The following DPYSL2 variants were observed in gnomAD, a reference collection of about 807,000 sequenced individuals.
DPYSL2 encodes dihydropyrimidinase-related protein 2.
DPYSL2 carries 13 observed loss-of-function variants against 69.9 expected under a neutral mutation model. The observed-to-expected ratio is 0.19, with a 90% CI of 0.12 to 0.30. The LOEUF is 0.30. DPYSL2 is among the 10% of genes least tolerant of loss of function. The pLI, the probability that DPYSL2 is intolerant of heterozygous loss-of-function variation, is 1.00. For missense variants in DPYSL2, 587 were observed against 918.9 expected, an observed-to-expected ratio of 0.64 and a Z score of 4.67; for synonymous variants, 326 against 359.1, an observed-to-expected ratio of 0.91 and a Z score of 1.04.
chr8:26,541,810 A>T (rs1185430972), intron 1 of DPYSL2, among the ~76,000 whole-genome samples: 1 of 152,256 alleles, frequency 6.6e-6, no homozygotes, highest in African/African-American at 2.4e-5. Flanking sequence ...CAGATACACA[A>T]GAGATGAAAA....
rs984454474 is a variant in DPYSL2, at chr8:26,642,047, G to C, written c.1127-1392G>C. On this transcript the variant is annotated intron_variant, in intron 8 of 13. Coordinates refer to ENST00000521913, the MANE Select transcript of DPYSL2 (RefSeq NM_001197293.3). This position sits in a 1 kb window ranked among gnomAD's most constrained non-coding sequence, Gnocchi z 5.3. ...GGAAGTAGAGAAGCTTGGCTGCATT[G>C]TTGTGGGGTGGGAGTTAGCCCTGTG... is the stretch of plus-strand genomic sequence containing the variant. 2.6e-5 allele frequency among the ~76,000 whole-genome samples: 4 copies of C among 152,244 alleles called. No homozygotes were observed. The highest frequency in any genetic ancestry group is 7.2e-5 in the African/African-American group (3 of 41,462).
At position 26,627,757 on chromosome 8, in the gene DPYSL2, G is replaced by T; in HGVS notation, c.937-115G>T. 1 of 1,028,552 alleles carries T rather than the reference G, an allele frequency of 9.7e-7. No individual in the cohort carries two copies. Among genetic ancestry groups the T allele is most frequent in the Non-Finnish European group, 1.5e-6 (1 of 687,622 alleles). 63.7% of individuals were successfully genotyped at this position (1,028,552 alleles called of 1,614,324 possible). Reference sequence around the variant, plus strand: ...TGAGGTCTTGGGATGAGGGCAGAACGATCGGCAGTGGTAATTTTCCATCTT... The same window carrying T: ...TGAGGTCTTGGGATGAGGGCAGAACTATCGGCAGTGGTAATTTTCCATCTT... On this transcript the variant is annotated intron_variant, in intron 6 of 13. Coordinates refer to ENST00000521913, the MANE Select transcript of DPYSL2 (RefSeq NM_001197293.3). The surrounding 1 kb of genome is among the most constrained non-coding windows in gnomAD (Gnocchi z 6.9).
chr8:26,574,150 G>T (rs1801287700), intron 1 of DPYSL2, among the ~76,000 whole-genome samples: 1 of 152,148 alleles, frequency 6.6e-6, no homozygotes, highest in African/African-American at 2.4e-5. Context: ...AGGCTGTGGG[G>T]GTAGGATGGG....
At chr8:26,530,052 C>A (rs1348791449) in intron 1 of DPYSL2, among the ~76,000 whole-genome samples, 1 of 130,056 alleles carries the variant, frequency 7.7e-6, no homozygotes, top group Non-Finnish European at 1.5e-5. Context: ...GTGGAGGTTG[C>A]AGTGAGCCGA....
In DPYSL2 at chr8:26,514,237, G is replaced by C. The variant is rs1808231707; in HGVS notation, c.-89G>C. On this transcript the variant is annotated 5_prime_UTR_variant, in exon 1 of 14. Coordinates refer to ENST00000521913, the MANE Select transcript of DPYSL2 (RefSeq NM_001197293.3). This position sits in a 1 kb window ranked among gnomAD's most constrained non-coding sequence, Gnocchi z 8.4. ...GCGGCGAACGGCAGCCGCGGCAGCA[G>C]CTAGGGGGCTTGTGCACACAGCGAG... is the stretch of plus-strand genomic sequence containing the variant. 8.4e-7 allele frequency: 1 copy of C among 1,193,554 alleles called. No individual in the cohort carries two copies. The allele number at this position is 1,193,554 out of a possible 1,614,324, so 73.9% of individuals were successfully genotyped here. A position where few individuals can be genotyped will look rare whatever the true frequency, so the allele number is the denominator to read the frequency against.
chr8:26,657,972 A>C lies in DPYSL2; in HGVS notation c.*2266A>C, dbSNP rs1351701479. On this transcript the variant is annotated 3_prime_UTR_variant, in exon 14 of 14. Coordinates refer to ENST00000521913, the MANE Select transcript of DPYSL2 (RefSeq NM_001197293.3). ...GAATAGATGGTTTTTAATCCTGGAA[A>C]TTGTGATTGTGACCCATGAGTGGAG... The C allele has an allele frequency of 6.6e-6, 1 of 152,628 alleles. No individual in the cohort carries two copies. The highest frequency in any genetic ancestry group is 1.5e-5 in the Non-Finnish European group (1 of 68,036). 9.5% of individuals were successfully genotyped at this position (152,628 alleles called of 1,614,324 possible). A position where few individuals can be genotyped will look rare whatever the true frequency, so the allele number is the denominator to read the frequency against.
At position 26,562,876 on chromosome 8, in the gene DPYSL2, C is replaced by A. The variant is rs1801095659; in HGVS notation, c.355-19093C>A. On this transcript the variant is annotated intron_variant, in intron 1 of 13. Coordinates refer to ENST00000521913, the MANE Select transcript of DPYSL2 (RefSeq NM_001197293.3). The surrounding 1 kb of genome is among the most constrained non-coding windows in gnomAD (Gnocchi z 4.9). ...GGGTGGAGTCCTCCAGAATCTTTCT[C>A]ACTCATACGTCTGTCACCTTGGCAC... 6.6e-6 allele frequency among the ~76,000 whole-genome samples: 1 copy of A among 152,166 alleles called. No individual in the cohort carries two copies. The highest frequency in any genetic ancestry group is 1.5e-5 in the Non-Finnish European group (1 of 68,030).
At chr8:26,655,516 A>T in intron 13 of DPYSL2, 99 bp from the exon 14 acceptor site, 1 of 1,074,504 alleles carries the variant, frequency 9.3e-7, no homozygotes, top group Non-Finnish European at 1.3e-6. Flanking sequence ...GAATGCGACT[A>T]GCACTTTTCC....
In DPYSL2 at chr8:26,652,218, G is replaced by C; in HGVS notation, c.1597-39G>C. Reference sequence around the variant, plus strand: ...CTGCCGGGTGGATTGAGTCCAGCCAGAGTGGCCTGTTCTAGAGTTTACTTT... The same window carrying C: ...CTGCCGGGTGGATTGAGTCCAGCCACAGTGGCCTGTTCTAGAGTTTACTTT... On this transcript the variant is annotated intron_variant, in intron 11 of 13. Coordinates refer to ENST00000521913, the MANE Select transcript of DPYSL2 (RefSeq NM_001197293.3). The surrounding 1 kb of genome is among the most constrained non-coding windows in gnomAD (Gnocchi z 6.3). 1 of 1,573,822 alleles carries C rather than the reference G, an allele frequency of 6.4e-7. No individual in the cohort carries two copies. The highest frequency in any genetic ancestry group is 1.3e-5 in the African/African-American group (1 of 74,084).
intron 3 of DPYSL2, chr8:26,623,753 C>A (rs747538463): frequency 1.7e-5 from 3 of 178,694 alleles, no homozygotes; most frequent in Admixed American, 5.8e-5. Flanking sequence ...AAGTTCCCTG[C>A]CGTCTGGCGG....
chr8:26,561,406 C>T, intron 1 of DPYSL2, among the ~76,000 whole-genome samples: 1 of 152,264 alleles, frequency 6.6e-6, no homozygotes, highest in Admixed American at 6.5e-5. Flanking sequence ...AGTGGATGTT[C>T]CTAAATTCAC....
chr8:26,537,611 T>TCCACACACAC (rs141281802), intron 1 of DPYSL2, among the ~76,000 whole-genome samples: 4 of 147,654 alleles, frequency 2.7e-5, no homozygotes, highest in African/African-American at 9.9e-5. Flanking sequence ...ATTCTCTCTC[T>TCCACACACAC]ACACACACAC....
At chr8:26,530,187 T>C (rs557522133) in intron 1 of DPYSL2, among the ~76,000 whole-genome samples, 33 of 148,108 alleles carry the variant, frequency 2.2e-4, no homozygotes, top group African/African-American at 8.0e-4. Flanking sequence ...ACAACTATCA[T>C]CTACAACTCT....
At chr8:26,608,555 G>T (rs1047914700) in intron 3 of DPYSL2, among the ~76,000 whole-genome samples, 11 of 152,318 alleles carry the variant, frequency 7.2e-5, no homozygotes, top group Non-Finnish European at 1.3e-4. Flanking sequence ...GGCTGAGTTT[G>T]TGTGGACCCT....
At chr8:26,561,995 A>G (rs1801078776) in intron 1 of DPYSL2, among the ~76,000 whole-genome samples, 1 of 152,182 alleles carries the variant, frequency 6.6e-6, no homozygotes, top group Non-Finnish European at 1.5e-5. Context: ...CCAAATCTAG[A>G]GTTCACACTT....
chr8:26,626,508 C>G lies in DPYSL2; in HGVS notation c.794-109C>G. The G allele has an allele frequency of 1.2e-6, 1 of 855,522 alleles. No homozygotes were observed. Among genetic ancestry groups the G allele is most frequent in the Admixed American group, 2.0e-5 (1 of 49,324 alleles). The allele number at this position is 855,522 out of a possible 1,614,324, so 53.0% of individuals were successfully genotyped here. On this transcript the variant is annotated intron_variant, in intron 4 of 13. Transcript: ENST00000521913. This position sits in a 1 kb window ranked among gnomAD's most constrained non-coding sequence, Gnocchi z 4.3. ...ACACACACACACACACACACACACA[C>G]ACACACACACACACGTACACACACA...
intron 1 of DPYSL2, among the ~76,000 whole-genome samples, chr8:26,528,338 T>A (rs927907696): frequency 6.6e-6 from 1 of 152,008 alleles, no homozygotes; most frequent in Non-Finnish European, 1.5e-5. Context: ...CACACAGATA[T>A]GTAAATGACT....
In DPYSL2 at chr8:26,652,769, T is replaced by C. The variant is rs1222517410; in HGVS notation, c.1776+333T>C. Among the ~76,000 whole-genome samples, 1 of 152,108 alleles carries C rather than the reference T, an allele frequency of 6.6e-6. No homozygotes were observed. Among genetic ancestry groups the C allele is most frequent in the Admixed American group, 6.5e-5 (1 of 15,278 alleles). ...GGGCTTTGAAGGTTAAGTAGGAGTT[T>C]GTCAAGTCAAAGAAGGGAGATGAGG... On this transcript the variant is annotated intron_variant, in intron 12 of 13. Transcript: ENST00000521913. The surrounding 1 kb of genome is among the most constrained non-coding windows in gnomAD (Gnocchi z 6.3).
intron 1 of DPYSL2, chr8:26,548,562 CAGTAATAATAAT>C (rs1800820095): frequency 6.6e-6 from 1 of 151,970 alleles, no homozygotes; most frequent in African/African-American, 2.4e-5. Context: ...AAACTCCTAA[CAGTAATAATAAT>C]AGTAATAATA....
Sources: gnomAD v4.1 joint callset for allele counts (sites outside exome capture counted in the v4.1 genomes callset) on GRCh38, gnomAD v4.1.1 for gene constraint, Gnocchi (gnomAD v3.1) non-coding constraint, MANE v1.5 for transcripts, NCBI Gene and HGNC (gene_info 2026-07-23, HGNC 2026-07-21) for gene names.